Variants in RORC observed in about 807,000 individuals in gnomAD.
RORC encodes the protein RAR related orphan receptor C, also known as nuclear receptor ROR-gamma.
RORC carries 13 observed loss-of-function variants against 64.5 expected under a neutral mutation model. That is an observed-to-expected ratio of 0.20 (90% CI 0.13 to 0.32). RORC has a LOEUF of 0.32. Among genes scored for constraint, RORC ranks in the 10% least tolerant of loss-of-function variants. The pLI is 1.00. For synonymous variants in RORC, 277 were observed against 259.3 expected, an observed-to-expected ratio of 1.07 and a Z score of -0.65; for missense variants, 468 against 669.5, an observed-to-expected ratio of 0.70 and a Z score of 3.32.
chr1:151,827,953 C>T (rs1035651247), intron 2 of RORC, among the ~76,000 whole-genome samples: 7 of 151,140 alleles, frequency 4.6e-5, no homozygotes, highest in Non-Finnish European at 1.0e-4. Flanking sequence ...AGGTCCGTGA[C>T]CCCCCTCCCC....
chr1:151,816,643 G>T, intron 4 of RORC, 21 bp downstream of exon 4: 1 of 1,593,456 alleles, frequency 6.3e-7, no homozygotes, highest in Non-Finnish European at 8.5e-7. Context: ...AAACCCCAGG[G>T]GGCTGTCGAC....
At position 151,815,048 on chromosome 1, in the gene RORC, G is replaced by C; in HGVS notation, c.676C>G (p.Pro226Ala). 4 of 1,614,116 alleles carry C rather than the reference G, an allele frequency of 2.5e-6. No individual in the cohort carries two copies. Among genetic ancestry groups the C allele is most frequent in the East Asian group, 2.2e-5 (1 of 44,902 alleles). ...SFYSTGSQLT[P>A]DRCGLRFEEH... is the part of the protein sequence containing the mutation. ...TCAAAACGAAGTCCACATCGGTCAG[G>C]GGTCAGCTGGCTGCCTGTGCTATAG... The change falls in exon 5 of 11, where the codon CCT (proline) becomes GCT (alanine). Residue 226 changes from proline (P) to alanine (A), a missense_variant. Coordinates refer to ENST00000318247, the MANE Select transcript of RORC (RefSeq NM_005060.4).
At chr1:151,826,708 G>C (rs1652209262) in intron 2 of RORC, among the ~76,000 whole-genome samples, 1 of 152,232 alleles carries the variant, frequency 6.6e-6, no homozygotes, top group African/African-American at 2.4e-5. Context: ...TGAAATTGGA[G>C]TGTAGATAAT....
intron 3 of RORC, 100 bp from the exon 4 acceptor site, chr1:151,816,905 C>T: frequency 1.6e-6 from 2 of 1,265,646 alleles, no homozygotes; most frequent in South Asian, 3.4e-5. Flanking sequence ...TTTCTACATC[C>T]CACGACCTGT....
At position 151,815,038 on chromosome 1, in the gene RORC, C is replaced by T. The variant is rs1312874608; in HGVS notation, c.686G>A (p.Cys229Tyr). ...CCTGTGTTCCTCAAAACGAAGTCCA[C>T]ATCGGTCAGGGGTCAGCTGGCTGCC... Reference protein sequence around the residue: ...STGSQLTPDRCGLRFEEHRHP... With the variant: ...STGSQLTPDRYGLRFEEHRHP... The change falls in exon 5 of 11, where the codon TGT becomes TAT. Residue 229 changes from cysteine to tyrosine, a missense_variant. This residue lies in a region of RORC where 241 missense variants were observed against 295.5 expected (regional missense o/e 0.82). Coordinates refer to ENST00000318247, the MANE Select transcript of RORC (RefSeq NM_005060.4). 8 of 1,614,128 alleles carry T rather than the reference C, an allele frequency of 5.0e-6. No homozygotes were observed. Among genetic ancestry groups the T allele is most frequent in the African/African-American group, 1.3e-5 (1 of 74,936 alleles).
At chr1:151,829,092 T>G (rs1652307003) in intron 2 of RORC, among the ~76,000 whole-genome samples, 1 of 140,620 alleles carries the variant, frequency 7.1e-6, no homozygotes, top group Non-Finnish European at 1.5e-5. Flanking sequence ...CTCTATCTCC[T>G]TCCTTCCCCG....
chr1:151,812,444 G>A (rs959584923), intron 9 of RORC: 4 of 155,342 alleles, frequency 2.6e-5, no homozygotes, highest in African/African-American at 9.7e-5. Flanking sequence ...ATTTAAGGTA[G>A]GCTAGGCTAA....
chr1:151,825,656 A>G (rs906108798), intron 2 of RORC, among the ~76,000 whole-genome samples: 3 of 152,022 alleles, frequency 2.0e-5, no homozygotes, highest in Admixed American at 2.0e-4. Context: ...CTTTTTGTAA[A>G]ATTAAGGGCC....
At position 151,830,659 on chromosome 1, in the gene RORC, C is replaced by CACACTCACACACAT. The variant is rs59443678; in HGVS notation, c.40+1065_40+1066insATGTGTGTGAGTGT. On this transcript the variant is annotated intron_variant, in intron 1 of 10. Transcript: ENST00000318247. The surrounding 1 kb of genome is among the most constrained non-coding windows in gnomAD (Gnocchi z 4.0). The stretch of plus-strand genomic sequence containing the variant: ...ACACACACACACACACACACACACA[C>CACACTCACACACAT]ACAGTGCCCTTCTGCCCGGGAGATG... Among the ~76,000 whole-genome samples the CACACTCACACACAT allele has an allele frequency of 7.2e-6, 1 of 139,054 alleles. No individual in the cohort carries two copies. Among genetic ancestry groups the CACACTCACACACAT allele is most frequent in the Non-Finnish European group, 1.6e-5 (1 of 64,284 alleles). 91.2% of individuals were successfully genotyped at this position (139,054 alleles called of 152,430 possible).
intron 2 of RORC, among the ~76,000 whole-genome samples, chr1:151,825,331 C>A (rs1424100524): frequency 6.6e-6 from 1 of 152,198 alleles, no homozygotes; most frequent in Non-Finnish European, 1.5e-5. Flanking sequence ...CGGGTGCACC[C>A]TGACTGGATT....
intron 2 of RORC, among the ~76,000 whole-genome samples, chr1:151,828,365 A>G (rs1652277419): frequency 6.6e-6 from 1 of 152,182 alleles, no homozygotes; most frequent in Non-Finnish European, 1.5e-5. Context: ...TGATGGGCAT[A>G]GCTTTGGGAC....
intron 10 of RORC, among the ~76,000 whole-genome samples, chr1:151,810,403 T>C: frequency 6.6e-6 from 1 of 152,152 alleles, no homozygotes; most frequent in East Asian, 1.9e-4. Flanking sequence ...TGTTTTATAC[T>C]CTCATAACAT....
intron 9 of RORC, 164 bp downstream of exon 9, chr1:151,812,783 T>C: frequency 1.8e-6 from 1 of 557,086 alleles, no homozygotes; most frequent in Non-Finnish European, 3.2e-6. Flanking sequence ...CCTCTGAATC[T>C]TTATTTTAAC....
intron 2 of RORC, among the ~76,000 whole-genome samples, chr1:151,828,992 A>G (rs2101678641): frequency 6.7e-6 from 1 of 150,366 alleles, no homozygotes; most frequent in East Asian, 2.0e-4. Flanking sequence ...AAAAAAAAAA[A>G]AAAGCCTGGT....
chr1:151,815,508 G>A (rs776559701), intron 4 of RORC, 83 bp from the exon 5 acceptor site: 2 of 1,468,564 alleles, frequency 1.4e-6, no homozygotes, highest in Admixed American at 2.4e-5. Context: ...GGTCATTAAA[G>A]GATTAACTTG....
intron 2 of RORC, among the ~76,000 whole-genome samples, chr1:151,827,874 T>C (rs894055118): frequency 1.3e-5 from 2 of 151,898 alleles, no homozygotes; most frequent in African/African-American, 4.8e-5. Flanking sequence ...GGGTTAAGGG[T>C]AGGAATAGGG....
At chr1:151,812,822 G>A (rs1651591855) in intron 9 of RORC, 125 bp downstream of exon 9, 1 of 630,640 alleles carries the variant, frequency 1.6e-6, no homozygotes, top group Non-Finnish European at 2.8e-6. Context: ...ATACTGAGTA[G>A]GGCTCATTCT....
intron 2 of RORC, among the ~76,000 whole-genome samples, chr1:151,827,976 G>A (rs1375757227): frequency 1.4e-5 from 2 of 138,850 alleles, no homozygotes; most frequent in African/African-American, 2.7e-5. Flanking sequence ...GCTCACCCGC[G>A]TCACTCCCTG....
Position 151,811,447 on chromosome 1 carries a change from G to A in RORC, c.1286-13C>T. 1 of 1,541,164 alleles carries A rather than the reference G, an allele frequency of 6.5e-7. No individual in the cohort carries two copies. Among genetic ancestry groups the A allele is most frequent in the Non-Finnish European group, 9.0e-7 (1 of 1,115,044 alleles). On this transcript the variant is annotated splice_polypyrimidine_tract_variant and intron_variant, in intron 9 of 10. Transcript: ENST00000318247. ...AGCCCTGGCCGATCTGGAGGAGGGG[G>A]TGGGACCGTAATGAGAACAAGAAAG...
Sources: allele counts gnomAD v4.1 joint callset (sites outside exome capture counted in the v4.1 genomes callset), GRCh38; gene constraint gnomAD v4.1.1; regional missense constraint gnomAD v4.1.1; non-coding constraint Gnocchi (gnomAD v3.1); transcripts MANE v1.5; gene names NCBI Gene and HGNC (gene_info 2026-07-23, HGNC 2026-07-21).